DNAI3: variants seen among roughly 807,000 people sequenced by gnomAD.
DNAI3 encodes the protein WD repeat domain 63.
DNAI3 carries 83 observed loss-of-function variants against 115.5 expected under a neutral mutation model. The ratio of observed to expected loss-of-function variants is 0.72; its 90% confidence interval spans 0.60 to 0.86. The LOEUF is 0.86. Ranked by LOEUF, DNAI3 falls within the 40% of genes least tolerant of loss-of-function variation. DNAI3 has a pLI of 0.00. For missense variants in DNAI3, 1,004 were observed against 1,075.8 expected (o/e 0.93, Z 0.93); for synonymous variants, 320 against 347.0 (o/e 0.92, Z 0.86).
In DNAI3 at chr1:85,065,160, A is replaced by G. The variant is rs369627931; in HGVS notation, c.-15+2674A>G. On this transcript the variant is annotated intron_variant, in intron 1 of 22. Transcript: ENST00000294664. Reference sequence around the variant, plus strand: ...AGCTAATTGAAGAAGACCTGGGAAGATAAGACTTTCGTAAGGAAGAACCCA... The same window carrying G: ...AGCTAATTGAAGAAGACCTGGGAAGGTAAGACTTTCGTAAGGAAGAACCCA... Among the ~76,000 whole-genome samples the G allele has an allele frequency of 1.4e-4, 22 of 152,226 alleles. 1 individual carries two copies. The East Asian group carries it at 1.5e-3, about 11-fold the overall frequency.
intron 16 of DNAI3, among the ~76,000 whole-genome samples, chr1:85,110,749 G>A (rs933825033): frequency 6.6e-6 from 1 of 152,110 alleles, no homozygotes; most frequent in Non-Finnish European, 1.5e-5. Flanking sequence ...CTTAATGAAT[G>A]TTACATGCTC....
At chr1:85,097,543 T>C (rs1267060170) in intron 11 of DNAI3, 26 bp from the exon 12 acceptor site, 2 of 1,582,902 alleles carry the variant, frequency 1.3e-6, no homozygotes, top group Admixed American at 3.7e-5. Flanking sequence ...CTGAAAAGGT[T>C]ATGATAACAT....
chr1:85,072,749 A>T (rs778100464), intron 2 of DNAI3, among the ~76,000 whole-genome samples: 1 of 151,530 alleles, frequency 6.6e-6, no homozygotes, highest in Non-Finnish European at 1.5e-5. Flanking sequence ...AGGTCAGGAG[A>T]TGGAGACCAT....
intron 16 of DNAI3, among the ~76,000 whole-genome samples, chr1:85,114,979 G>A (rs745543871): frequency 3.3e-5 from 5 of 152,146 alleles, no homozygotes; most frequent in Non-Finnish European, 7.4e-5. Flanking sequence ...TGCTCTAAAT[G>A]CTTTTGGAAT....
At chr1:85,127,817 A>G (rs191040127) in intron 20 of DNAI3, among the ~76,000 whole-genome samples, 19 of 152,286 alleles carry the variant, frequency 1.2e-4, no homozygotes, top group African/African-American at 4.6e-4. Context: ...AGTGAGATAG[A>G]AAATTACAAT....
At chr1:85,108,339 G>T (rs1054939306) in intron 15 of DNAI3, among the ~76,000 whole-genome samples, 162 bp downstream of exon 15, 12 of 152,084 alleles carry the variant, frequency 7.9e-5, no homozygotes, top group African/African-American at 2.9e-4. Flanking sequence ...CCTTGATTGG[G>T]AGGATTTTTA....
chr1:85,071,954 CA>C lies in DNAI3; in HGVS notation c.17del (p.Lys6ArgfsTer11), dbSNP rs755962954. On this transcript the variant is annotated frameshift_variant, in exon 2 of 23. Coordinates refer to ENST00000294664, the MANE Select transcript of DNAI3 (RefSeq NM_145172.5). LOFTEE classifies it high-confidence loss of function. The stretch of plus-strand genomic sequence containing the variant: ...CCAAGTCAGAACCATGGCTCCAAAA[CA>C]AAAGAAAAAGACATCACGTGGCAAA... MAPK[Q>X]KKKTSRGKKR... is the part of the protein sequence containing the mutation. 6.8e-6 allele frequency: 11 copies of C among 1,611,262 alleles called. No individual in the cohort carries two copies. The East Asian group carries it at 2.2e-4, about 33-fold the overall frequency.
At chr1:85,066,002 C>G (rs1221811262) in intron 1 of DNAI3, among the ~76,000 whole-genome samples, 1 of 152,188 alleles carries the variant, frequency 6.6e-6, no homozygotes, top group East Asian at 1.9e-4. Context: ...ATGCAGGGGA[C>G]TTACCCAATA....
At chr1:85,121,606 CT>C in intron 17 of DNAI3, 144 bp from the exon 18 acceptor site, 1 of 679,636 alleles carries the variant, frequency 1.5e-6, no homozygotes, top group Non-Finnish European at 2.5e-6. Flanking sequence ...GGCTTTCCCT[CT>C]CCCCCACTGG....
intron 1 of DNAI3, among the ~76,000 whole-genome samples, chr1:85,069,900 A>G (rs956756725): frequency 7.2e-5 from 11 of 152,210 alleles, no homozygotes; most frequent in African/African-American, 2.7e-4. Context: ...GTTGAGTCAG[A>G]TCCATTCATT....
chr1:85,101,629 G>A (rs1655317523), intron 13 of DNAI3, among the ~76,000 whole-genome samples: 1 of 151,088 alleles, frequency 6.6e-6, no homozygotes, highest in Non-Finnish European at 1.5e-5. Flanking sequence ...TCCAGAGGCT[G>A]AGGCGGGAGA....
At chr1:85,100,477 A>G (rs1442210244) in intron 13 of DNAI3, among the ~76,000 whole-genome samples, 6 of 152,060 alleles carry the variant, frequency 3.9e-5, no homozygotes, top group African/African-American at 1.2e-4. Context: ...GAAACAACAG[A>G]TGCTGGAGAG....
chr1:85,069,711 G>A (rs72946756), intron 1 of DNAI3, among the ~76,000 whole-genome samples: 2,439 of 152,104 alleles, frequency 0.016, 64 homozygotes, highest in African/African-American at 0.056. Flanking sequence ...GCAAGACTCT[G>A]TCTTGGGGAA....
chr1:85,100,958 C>T (rs1306314723), intron 13 of DNAI3, among the ~76,000 whole-genome samples: 1 of 148,378 alleles, frequency 6.7e-6, no homozygotes, highest in Non-Finnish European at 1.5e-5. Flanking sequence ...GAACATCACA[C>T]TCTGGGGACT....
At chr1:85,084,154 G>A (rs958276666) in intron 5 of DNAI3, among the ~76,000 whole-genome samples, 1 of 121,802 alleles carries the variant, frequency 8.2e-6, no homozygotes, top group African/African-American at 3.1e-5. Flanking sequence ...AAATAAAGCA[G>A]CAGTGTGTGT....
chr1:85,077,730 G>A (rs941175723), intron 3 of DNAI3, among the ~76,000 whole-genome samples: 3 of 152,036 alleles, frequency 2.0e-5, no homozygotes, highest in African/African-American at 7.2e-5. Flanking sequence ...GGTCTTATGG[G>A]TATGTACTTT....
At chr1:85,101,196 A>G (rs2100589488) in intron 13 of DNAI3, among the ~76,000 whole-genome samples, 1 of 152,316 alleles carries the variant, frequency 6.6e-6, no homozygotes, top group East Asian at 1.9e-4. Flanking sequence ...TAGAGTTGTA[A>G]GAGGTGATTA....
In DNAI3 at chr1:85,097,648, C is replaced by T. The variant is rs1474271610; in HGVS notation, c.1343C>T (p.Thr448Ile). Residue 448 changes from threonine to isoleucine, a missense_variant, in exon 12 of 23, where the codon ACA (threonine) becomes ATA (isoleucine). This residue lies in a region of DNAI3 where 550 missense variants were observed against 568.1 expected (regional missense o/e 0.97). Transcript: ENST00000294664. ...KAGGSRSKRA[T>I]LKPMFLLEPE... ...GGTGGTAGTAGAAGTAAAAGAGCCA[C>T]ACTGAAGGTAAGCTTTTTACAACAT... 1 of 1,610,278 alleles carries T rather than the reference C, an allele frequency of 6.2e-7. No individual in the cohort carries two copies. Among genetic ancestry groups the T allele is most frequent in the Non-Finnish European group, 8.5e-7 (1 of 1,178,444 alleles).
intron 5 of DNAI3, among the ~76,000 whole-genome samples, chr1:85,083,358 G>A (rs909398710): frequency 1.3e-5 from 2 of 151,956 alleles, no homozygotes; most frequent in Admixed American, 6.6e-5. Flanking sequence ...ATGGTAGCAC[G>A]TGCCTGTAGT....
Sources: allele counts gnomAD v4.1 joint callset (sites outside exome capture counted in the v4.1 genomes callset), GRCh38; gene constraint gnomAD v4.1.1; regional missense constraint gnomAD v4.1.1; transcripts MANE v1.5; gene names NCBI Gene and HGNC (gene_info 2026-07-23, HGNC 2026-07-21).